GRID2: variants seen among roughly 807,000 people sequenced by gnomAD.
GRID2 encodes glutamate ionotropic receptor delta type subunit 2, also known as glutamate receptor ionotropic, delta-2.
In GRID2, 33 loss-of-function variants were observed where a neutral mutation model predicts 114.8. That is an observed-to-expected ratio of 0.29 (90% CI 0.22 to 0.38). The LOEUF (loss-of-function observed/expected upper bound fraction) is 0.38. Ranked by LOEUF, GRID2 falls within the 10% of genes least tolerant of loss-of-function variation. GRID2 has a pLI of 1.00. For synonymous variants in GRID2, 505 were observed against 449.9 expected (o/e 1.12, Z -1.55); for missense variants, 1,184 against 1,257.7 (o/e 0.94, Z 0.89).
intron 4 of GRID2, among the ~76,000 whole-genome samples, chr4:93,156,746 A>G (rs1737221649): frequency 6.6e-6 from 1 of 151,734 alleles, no homozygotes; most frequent in Admixed American, 6.6e-5. Context: ...TCCAGTAGAC[A>G]GTTGAATGTA....
At position 92,943,435 on chromosome 4, in the gene GRID2, C is replaced by A. The variant is rs191614065; in HGVS notation, c.245-141560C>A. ...GCCATGGTTTTCAGCTCCATCAGGT[C>A]GTTTAAAGACTTCTCTGCATTGGTT... On this transcript the variant is annotated intron_variant, in intron 2 of 15. Coordinates refer to ENST00000282020, the MANE Select transcript of GRID2 (RefSeq NM_001510.4). Among the ~76,000 whole-genome samples, 9 of 152,182 alleles carry A rather than the reference C, an allele frequency of 5.9e-5. No homozygotes were observed. The East Asian group carries it at 1.7e-3, about 29-fold the overall frequency.
chr4:93,682,053 G>A (rs535821932), intron 14 of GRID2, among the ~76,000 whole-genome samples: 1 of 151,554 alleles, frequency 6.6e-6, no homozygotes. Context: ...CTAATATCCA[G>A]AATCTACAAT....
chr4:92,865,360 G>A (rs1744787769), intron 2 of GRID2, among the ~76,000 whole-genome samples: 1 of 152,114 alleles, frequency 6.6e-6, no homozygotes, highest in South Asian at 2.1e-4. Context: ...AAAATACAAG[G>A]TCTTTTTTAC....
chr4:92,455,122 A>T (rs780447571), intron 1 of GRID2, among the ~76,000 whole-genome samples: 2 of 152,212 alleles, frequency 1.3e-5, no homozygotes, highest in Non-Finnish European at 2.9e-5. Flanking sequence ...AAATAGAAAA[A>T]TCCTAATAGA....
At chr4:92,661,973 T>C (rs1191096051) in intron 2 of GRID2, among the ~76,000 whole-genome samples, 1 of 151,064 alleles carries the variant, frequency 6.6e-6, no homozygotes, top group Non-Finnish European at 1.5e-5. Flanking sequence ...TCTATTTTCA[T>C]ACAAAGAAAA....
intron 2 of GRID2, among the ~76,000 whole-genome samples, chr4:92,911,156 C>T (rs983882862): frequency 6.6e-6 from 1 of 151,860 alleles, no homozygotes; most frequent in Non-Finnish European, 1.5e-5. Context: ...TAACTGCCCA[C>T]CATGTGCCGA....
At chr4:93,638,217 G>C (rs1304476137) in intron 14 of GRID2, among the ~76,000 whole-genome samples, 3 of 150,654 alleles carry the variant, frequency 2.0e-5, no homozygotes, top group Non-Finnish European at 4.4e-5. Flanking sequence ...TTTTTTAAAT[G>C]TTAGTAACTA....
chr4:92,982,981 A>G (rs536842799), intron 2 of GRID2, among the ~76,000 whole-genome samples: 14 of 152,228 alleles, frequency 9.2e-5, no homozygotes, highest in African/African-American at 2.6e-4. Flanking sequence ...GCCAAAAAAT[A>G]GAAACTATGT....
chr4:92,453,396 A>G (rs965666568), intron 1 of GRID2, among the ~76,000 whole-genome samples: 1 of 152,198 alleles, frequency 6.6e-6, no homozygotes, highest in African/African-American at 2.4e-5. Flanking sequence ...TTGCTCAGTC[A>G]TTAGCAGAGA....
chr4:93,260,318 G>A (rs1234964710), intron 8 of GRID2, among the ~76,000 whole-genome samples: 1 of 151,212 alleles, frequency 6.6e-6, no homozygotes, highest in African/African-American at 2.4e-5. Context: ...GTTTCTTAAT[G>A]TCAAATTTTA....
chr4:92,560,169 A>C (rs565670707), intron 1 of GRID2, among the ~76,000 whole-genome samples: 22 of 152,288 alleles, frequency 1.4e-4, no homozygotes, highest in African/African-American at 4.8e-4. Context: ...GTGGAGAAGA[A>C]AGGAGAGGGG....
chr4:93,624,525 G>A (rs1232027331), intron 13 of GRID2, among the ~76,000 whole-genome samples: 1 of 151,992 alleles, frequency 6.6e-6, no homozygotes, highest in Non-Finnish European at 1.5e-5. Flanking sequence ...ATAGATAACA[G>A]GTAGACAACT....
At position 93,643,706 on chromosome 4, in the gene GRID2, C is replaced by T. The variant is rs1311026491; in HGVS notation, c.2360+17271C>T. Among the ~76,000 whole-genome samples, 3 of 57,834 alleles carry T rather than the reference C, an allele frequency of 5.2e-5. 1 individual carries two copies. The highest frequency in any genetic ancestry group is 9.3e-5 in the Non-Finnish European group (3 of 32,168). 37.9% of individuals were successfully genotyped at this position (57,834 alleles called of 152,430 possible). On this transcript the variant is annotated intron_variant, in intron 14 of 15. Coordinates refer to ENST00000282020, the MANE Select transcript of GRID2 (RefSeq NM_001510.4). ...CAGCTGCTTGCTGGGAGAACCACTG[C>T]TCTCTTCAAAGCTGTCAGACAGGGA...
At chr4:93,752,248 G>A (rs1732385235) in intron 14 of GRID2, among the ~76,000 whole-genome samples, 1 of 151,918 alleles carries the variant, frequency 6.6e-6, no homozygotes, top group Non-Finnish European at 1.5e-5. Context: ...TCCATTCCAG[G>A]GATTAGGAAA....
At chr4:92,784,667 T>C (rs1262048325) in intron 2 of GRID2, among the ~76,000 whole-genome samples, 1 of 151,960 alleles carries the variant, frequency 6.6e-6, no homozygotes, top group Non-Finnish European at 1.5e-5. Flanking sequence ...TAGTGTTTGC[T>C]GACAGTCTTA....
rs1439283237 is a variant in GRID2 at position 93,608,761 on chromosome 4, G to A, written c.2194-17508G>A. Among the ~76,000 whole-genome samples, 69 of 137,214 alleles carry A rather than the reference G, an allele frequency of 5.0e-4. 6 individuals are homozygous for A. Among genetic ancestry groups the A allele is most frequent in the African/African-American group, 1.8e-3 (64 of 36,452 alleles). The allele number at this position is 137,214 out of a possible 152,430, so 90.0% of individuals were successfully genotyped here. On this transcript the variant is annotated intron_variant, in intron 13 of 15. Coordinates refer to ENST00000282020, the MANE Select transcript of GRID2 (RefSeq NM_001510.4). Reference sequence around the variant, plus strand: ...AGTCTTTGCTATTGTGAACAGTGCCGCAATAAACATACGGGTGCATGTGTC... The same window carrying A: ...AGTCTTTGCTATTGTGAACAGTGCCACAATAAACATACGGGTGCATGTGTC...
chr4:93,335,115 TC>T (rs57525932), intron 8 of GRID2, among the ~76,000 whole-genome samples: 38,419 of 152,020 alleles, frequency 0.25, 8,126 homozygotes, highest in African/African-American at 0.58. Flanking sequence ...ATAGTTGATG[TC>T]ATTCACTAGA....
At chr4:92,629,757 A>G (rs1730700129) in intron 2 of GRID2, among the ~76,000 whole-genome samples, 1 of 150,078 alleles carries the variant, frequency 6.7e-6, no homozygotes. Flanking sequence ...ACTGAAGCAC[A>G]TATTTTAAAA....
Position 92,392,690 on chromosome 4 carries a change from ACT to A in GRID2, c.88+87947_88+87948del, listed in dbSNP as rs373013031. On this transcript the variant is annotated intron_variant, in intron 1 of 15. Coordinates refer to ENST00000282020, the MANE Select transcript of GRID2 (RefSeq NM_001510.4). ...TAATTATGAAAATTAGAAAAATAAC[ACT>A]GACTCAAAATTACTATTTAAACTTT... Among the ~76,000 whole-genome samples, 440 of 152,252 alleles carry A rather than the reference ACT, an allele frequency of 2.9e-3. 1 individual carries two copies. The highest frequency in any genetic ancestry group is 0.01 in the African/African-American group (416 of 41,552).
Sources: allele counts gnomAD v4.1 joint callset (sites outside exome capture counted in the v4.1 genomes callset), GRCh38; gene constraint gnomAD v4.1.1; transcripts MANE v1.5; gene names NCBI Gene and HGNC (gene_info 2026-07-23, HGNC 2026-07-21).